PLA2R1: variants seen among roughly 807,000 people sequenced by gnomAD.
PLA2R1 encodes secretory phospholipase A2 receptor.
In PLA2R1, 158 loss-of-function variants were observed where a neutral mutation model predicts 195.9. That is an observed-to-expected ratio of 0.81 (90% CI 0.71 to 0.92). The LOEUF (loss-of-function observed/expected upper bound fraction) is 0.92, where lower values mean the gene tolerates loss of function less well. Ranked by LOEUF, PLA2R1 falls within the 40% of genes least tolerant of loss-of-function variation. The probability of loss-of-function intolerance (pLI) is 0.00; values close to 1 mark genes in which losing one functional copy is unlikely to be tolerated. For missense variants in PLA2R1, 1,626 were observed against 1,764.6 expected, an observed-to-expected ratio of 0.92 and a Z score of 1.41; for synonymous variants, 586 against 598.2, an observed-to-expected ratio of 0.98 and a Z score of 0.30.
intron 6 of PLA2R1, among the ~76,000 whole-genome samples, chr2:160,025,588 C>CAAAAAAA (rs56365741): frequency 0.017 from 892 of 52,886 alleles, 6 homozygotes; most frequent in Middle Eastern, 0.036. Flanking sequence ...AACCATAAAG[C>CAAAAAAA]AAAAAAAAAA....
chr2:160,042,788 G>A (rs1694598150), intron 2 of PLA2R1, among the ~76,000 whole-genome samples: 1 of 135,304 alleles, frequency 7.4e-6, no homozygotes, highest in Non-Finnish European at 1.6e-5. Context: ...GACAGAGTGG[G>A]GTGTGTGTGT....
intron 1 of PLA2R1, among the ~76,000 whole-genome samples, chr2:160,049,076 C>T (rs1012970315): frequency 2.6e-5 from 4 of 152,020 alleles, no homozygotes; most frequent in East Asian, 1.9e-4. Context: ...CTCCTGACCT[C>T]GTGATCCGCC....
At chr2:160,061,687 A>C (rs1288894172) in intron 1 of PLA2R1, among the ~76,000 whole-genome samples, 1 of 152,100 alleles carries the variant, frequency 6.6e-6, no homozygotes, top group African/African-American at 2.4e-5. Context: ...AGGTGGGAGG[A>C]TCGCTTGACC....
At chr2:160,009,940 T>C (rs1303149847) in intron 10 of PLA2R1, among the ~76,000 whole-genome samples, 2 of 151,940 alleles carry the variant, frequency 1.3e-5, no homozygotes. Flanking sequence ...AGAACCTGTC[T>C]CTGTAAAAAA....
At chr2:159,942,342 C>CA (rs1445527962) in intron 28 of PLA2R1, among the ~76,000 whole-genome samples, 183 bp from the exon 29 acceptor site, 2 of 152,166 alleles carry the variant, frequency 1.3e-5, no homozygotes, top group African/African-American at 4.8e-5. Context: ...GCTACAATGG[C>CA]ATGTAACAGA....
intron 14 of PLA2R1, among the ~76,000 whole-genome samples, chr2:159,978,867 G>A (rs1689753627): frequency 6.6e-6 from 1 of 152,114 alleles, no homozygotes; most frequent in Non-Finnish European, 1.5e-5. Flanking sequence ...CTACTTCAAA[G>A]TTTGGCTACT....
chr2:160,016,473 G>C, intron 9 of PLA2R1, 141 bp downstream of exon 9: 2 of 576,062 alleles, frequency 3.5e-6, no homozygotes, highest in Admixed American at 3.2e-5. Flanking sequence ...AGGAAAGAAG[G>C]GGGGGGTGCG....
intron 1 of PLA2R1, among the ~76,000 whole-genome samples, chr2:160,053,243 T>A (rs911083650): frequency 6.6e-6 from 1 of 151,928 alleles, no homozygotes; most frequent in Non-Finnish European, 1.5e-5. Flanking sequence ...CTTATGAGTA[T>A]ACCAGTCATA....
At chr2:160,004,048 C>T (rs1691791709) in intron 11 of PLA2R1, among the ~76,000 whole-genome samples, 1 of 152,096 alleles carries the variant, frequency 6.6e-6, no homozygotes, top group African/African-American at 2.4e-5. Flanking sequence ...AGACAAACAC[C>T]AGCAGGATCA....
intron 23 of PLA2R1, among the ~76,000 whole-genome samples, chr2:159,953,927 G>A (rs112400066): frequency 0.035 from 5,367 of 152,208 alleles, 152 homozygotes; most frequent in Non-Finnish European, 0.056. Flanking sequence ...TCCGCCTCCC[G>A]GGTTCAAGCG....
In PLA2R1 at chr2:160,035,836, C is replaced by T. The variant is rs151050503; in HGVS notation, c.668-2704G>A. Reference sequence around the variant, plus strand: ...CACTGAATCTAGCCATTAATGTATACCTTGTTTAAGGCCATCAATGACCCC... The same window carrying T: ...CACTGAATCTAGCCATTAATGTATATCTTGTTTAAGGCCATCAATGACCCC... On this transcript the variant is annotated intron_variant, in intron 3 of 29. Coordinates refer to ENST00000283243, the MANE Select transcript of PLA2R1 (RefSeq NM_007366.5). Among the ~76,000 whole-genome samples, 857 of 152,246 alleles carry T rather than the reference C, an allele frequency of 5.6e-3. 5 individuals are homozygous for T. The highest frequency in any genetic ancestry group is 0.019 in the African/African-American group (807 of 41,526).
intron 12 of PLA2R1, among the ~76,000 whole-genome samples, 155 bp downstream of exon 12, chr2:159,987,001 T>C (rs1265268844): frequency 6.6e-6 from 1 of 152,028 alleles, no homozygotes; most frequent in Admixed American, 6.6e-5. Context: ...ATTGAAAGGA[T>C]AGAGACAGGC....
intron 10 of PLA2R1, among the ~76,000 whole-genome samples, chr2:160,009,877 G>A (rs556127714): frequency 1.3e-5 from 2 of 152,278 alleles, no homozygotes; most frequent in East Asian, 3.9e-4. Context: ...AGAGGCCGAG[G>A]CAGGAGGATT....
At position 160,023,407 on chromosome 2, in the gene PLA2R1, T is replaced by C. The variant is rs578178598; in HGVS notation, c.1100-548A>G. ...GCTGCTCATTATATGCTAATTATAATGTATTAGCATGCTAAAAGACACTCC... is the reference window on the plus strand; with the variant it reads ...GCTGCTCATTATATGCTAATTATAACGTATTAGCATGCTAAAAGACACTCC... On this transcript the variant is annotated intron_variant, in intron 6 of 29. Coordinates refer to ENST00000283243, the MANE Select transcript of PLA2R1 (RefSeq NM_007366.5). Among the ~76,000 whole-genome samples, 3 of 152,316 alleles carry C rather than the reference T, an allele frequency of 2.0e-5. No homozygotes were observed. The South Asian group carries it at 6.2e-4, about 32-fold the overall frequency.
intron 27 of PLA2R1, 94 bp downstream of exon 27, chr2:159,946,707 T>C: frequency 6.9e-7 from 1 of 1,457,036 alleles, no homozygotes; most frequent in Non-Finnish European, 9.0e-7. Flanking sequence ...AGAAAACGTA[T>C]CCAAGGAGAG....
intron 17 of PLA2R1, among the ~76,000 whole-genome samples, chr2:159,973,655 T>C (rs1190206525): frequency 6.6e-6 from 1 of 152,158 alleles, no homozygotes; most frequent in African/African-American, 2.4e-5. Context: ...TAATTTTCTG[T>C]TGTTTGTAAG....
chr2:159,956,438 T>TG (rs1688089856), intron 21 of PLA2R1, 72 bp downstream of exon 21: 9 of 816,178 alleles, frequency 1.1e-5, no homozygotes, highest in Admixed American at 3.5e-5. Flanking sequence ...TTAGTATAGG[T>TG]GGGGGGGATA....
chr2:159,997,976 CTCTTT>C (rs1691336938), intron 11 of PLA2R1, among the ~76,000 whole-genome samples: 1 of 152,090 alleles, frequency 6.6e-6, no homozygotes, highest in South Asian at 2.1e-4. Flanking sequence ...TTTGATCTCT[CTCTTT>C]TTTCTTTTTC....
At chr2:159,974,076 T>A (rs1281060243) in intron 17 of PLA2R1, among the ~76,000 whole-genome samples, 1 of 152,056 alleles carries the variant, frequency 6.6e-6, no homozygotes, top group East Asian at 1.9e-4. Flanking sequence ...CTACAGAAGT[T>A]CCCAGCAGAG....
Sources: gnomAD v4.1 joint callset for allele counts (sites outside exome capture counted in the v4.1 genomes callset) on GRCh38, gnomAD v4.1.1 for gene constraint, MANE v1.5 for transcripts, NCBI Gene and HGNC (gene_info 2026-07-23, HGNC 2026-07-21) for gene names.